ACOXL: variants seen among roughly 807,000 people sequenced by gnomAD.
ACOXL encodes the protein acyl-coenzyme A oxidase-like protein.
In ACOXL, 70 loss-of-function variants were observed where a neutral mutation model predicts 71.9. The observed-to-expected ratio is 0.97, with a 90% CI of 0.80 to 1.19. The LOEUF (loss-of-function observed/expected upper bound fraction) is 1.19, where lower values mean the gene tolerates loss of function less well. ACOXL is among the 50% of genes most tolerant of loss of function. The probability of loss-of-function intolerance (pLI) is 0.00; values close to 1 mark genes in which losing one functional copy is unlikely to be tolerated. For missense variants in ACOXL, 703 were observed against 736.3 expected (o/e 0.95, Z 0.52); for synonymous variants, 253 against 281.6 (o/e 0.90, Z 1.02).
chr2:110,756,204 G>T (rs764811277), intron 1 of ACOXL, among the ~76,000 whole-genome samples: 3 of 152,016 alleles, frequency 2.0e-5, no homozygotes, highest in Non-Finnish European at 4.4e-5. Flanking sequence ...TCGGCTCACT[G>T]CAACCTCCGC....
At chr2:110,992,344 A>C (rs3789095) in intron 13 of ACOXL, among the ~76,000 whole-genome samples, 136,763 of 152,234 alleles carry the variant, frequency 0.9, 61,691 homozygotes, top group African/African-American at 0.97. Context: ...TTGTCATCAA[A>C]GTGTTTTCAG....
At chr2:111,057,648 T>C (rs1007523824) in intron 16 of ACOXL, among the ~76,000 whole-genome samples, 2 of 152,216 alleles carry the variant, frequency 1.3e-5, no homozygotes, top group Non-Finnish European at 2.9e-5. Flanking sequence ...TCTGCTCTGC[T>C]GTCTGTGCAT....
intron 14 of ACOXL, among the ~76,000 whole-genome samples, chr2:111,003,323 G>A (rs937473520): frequency 7.2e-5 from 11 of 152,070 alleles, no homozygotes; most frequent in African/African-American, 2.7e-4. Flanking sequence ...GCCAAGGCGG[G>A]TGGATCACGA....
At position 110,750,404 on chromosome 2, in the gene ACOXL, T is replaced by C. The variant is rs560023387; in HGVS notation, c.-23+17630T>C. Among the ~76,000 whole-genome samples the C allele has an allele frequency of 3.9e-5, 6 of 152,168 alleles. No homozygotes were observed. The South Asian group carries it at 1.2e-3, about 32-fold the overall frequency. ...TTGGGAGTTTCGGGCTCATCTTATA[T>C]TTTCCCTGCCCCTGTCCTAGAATCA... On this transcript the variant is annotated intron_variant, in intron 1 of 17. Transcript: ENST00000439055.
chr2:110,778,897 TA>T (rs530835174), intron 2 of ACOXL, among the ~76,000 whole-genome samples: 134 of 152,250 alleles, frequency 8.8e-4, no homozygotes, highest in African/African-American at 2.9e-3. Flanking sequence ...GAATGCTGCA[TA>T]AAAAAAGTAA....
intron 10 of ACOXL, chr2:110,886,898 C>A: frequency 6.5e-7 from 1 of 1,548,250 alleles, no homozygotes; most frequent in South Asian, 1.2e-5. Context: ...TACGCTTGCT[C>A]GTGAAATCAG....
chr2:110,748,650 A>G (rs1186086899), intron 1 of ACOXL, among the ~76,000 whole-genome samples: 1 of 152,124 alleles, frequency 6.6e-6, no homozygotes, highest in Admixed American at 6.5e-5. Flanking sequence ...CCATCAATTC[A>G]TCAGGCTGTG....
At chr2:110,861,261 G>C (rs1693922589) in intron 10 of ACOXL, among the ~76,000 whole-genome samples, 1 of 151,968 alleles carries the variant, frequency 6.6e-6, no homozygotes, top group South Asian at 2.1e-4. Flanking sequence ...CTTTTTGCTT[G>C]ATTATAAAGC....
intron 2 of ACOXL, among the ~76,000 whole-genome samples, chr2:110,771,182 A>G (rs1240527549): frequency 1.3e-5 from 2 of 152,214 alleles, no homozygotes; most frequent in African/African-American, 4.8e-5. Context: ...ACTGGCCATC[A>G]GTGCGGCAGG....
chr2:110,737,257 ACT>A (rs1178493905), intron 1 of ACOXL, among the ~76,000 whole-genome samples: 1 of 151,316 alleles, frequency 6.6e-6, no homozygotes, highest in African/African-American at 2.4e-5. Flanking sequence ...GTGGGCCACT[ACT>A]CTCAATTCTC....
At chr2:110,926,421 A>G (rs1233524938) in intron 11 of ACOXL, among the ~76,000 whole-genome samples, 1 of 152,212 alleles carries the variant, frequency 6.6e-6, no homozygotes, top group Non-Finnish European at 1.5e-5. Flanking sequence ...CATATCATAC[A>G]TGCTCCAGTG....
intron 9 of ACOXL, among the ~76,000 whole-genome samples, chr2:110,810,952 G>C (rs1231548457): frequency 6.6e-6 from 1 of 152,174 alleles, no homozygotes; most frequent in Non-Finnish European, 1.5e-5. Flanking sequence ...CTCAGCAAAA[G>C]GGGGAAAAGC....
chr2:110,829,058 G>A (rs1196449155), intron 9 of ACOXL, among the ~76,000 whole-genome samples: 2 of 152,202 alleles, frequency 1.3e-5, no homozygotes, highest in Non-Finnish European at 2.9e-5. Flanking sequence ...TGATCTGCCT[G>A]CATTGGCCTC....
intron 8 of ACOXL, 132 bp downstream of exon 8, chr2:110,801,856 G>A: frequency 1.4e-6 from 1 of 692,140 alleles, no homozygotes; most frequent in Middle Eastern, 2.7e-4. Flanking sequence ...CAGGTTTGTT[G>A]ACAACTAATT....
intron 10 of ACOXL, among the ~76,000 whole-genome samples, chr2:110,853,666 G>A (rs1692887040): frequency 6.6e-6 from 1 of 152,198 alleles, no homozygotes; most frequent in Admixed American, 6.5e-5. Flanking sequence ...ACGGTTGTCT[G>A]TGCAATGATA....
chr2:110,998,885 T>G (rs2063504799), intron 14 of ACOXL, among the ~76,000 whole-genome samples: 1 of 152,216 alleles, frequency 6.6e-6, no homozygotes, highest in Non-Finnish European at 1.5e-5. Flanking sequence ...TTACACATTG[T>G]GTATAGAAAC....
chr2:110,867,411 G>A (rs1694741949), intron 10 of ACOXL, among the ~76,000 whole-genome samples: 2 of 152,302 alleles, frequency 1.3e-5, no homozygotes, highest in African/African-American at 4.8e-5. Context: ...CCATCATTCT[G>A]TGCACACTTT....
Position 111,117,665 on chromosome 2 carries a change from C to A in ACOXL, c.1592C>A (p.Ser531Ter). 6.4e-7 allele frequency: 1 copy of A among 1,551,768 alleles called. No individual in the cohort carries two copies. The change falls in exon 18 of 18, where the codon TCG (serine) becomes TAG (stop). Residue 531 changes from serine (S) to a stop codon, truncating the protein, a stop_gained. Transcript: ENST00000439055. LOFTEE classifies it low-confidence loss of function (END_TRUNC). ...SVKDDARRVI[S>*]TFNIPHTYLH... The stretch of plus-strand genomic sequence containing the variant: ...AAGGATGATGCCCGGAGGGTGATCT[C>A]GACCTTTAACATTCCACACACCTAC...
At chr2:110,996,114 C>T (rs1314529059) in intron 14 of ACOXL, 110 bp downstream of exon 14, 2 of 895,086 alleles carry the variant, frequency 2.2e-6, no homozygotes, top group East Asian at 5.3e-5. Flanking sequence ...TAATGACAAG[C>T]TCCTGGAAGC....
Sources: gnomAD v4.1 joint callset for allele counts (sites outside exome capture counted in the v4.1 genomes callset) on GRCh38, gnomAD v4.1.1 for gene constraint, MANE v1.5 for transcripts, NCBI Gene and HGNC (gene_info 2026-07-23, HGNC 2026-07-21) for gene names.